CTNND2: variants seen among roughly 807,000 people sequenced by gnomAD.
The protein encoded by CTNND2 is catenin delta 2, also known as catenin delta-2.
CTNND2 carries 22 observed loss-of-function variants against 144.4 expected under a neutral mutation model. The ratio of observed to expected loss-of-function variants is 0.15; its 90% CI spans 0.11 to 0.22. The LOEUF (loss-of-function observed/expected upper bound fraction) is 0.22, where lower values mean the gene tolerates loss of function less well. Ranked by LOEUF, CTNND2 falls within the 10% of genes least tolerant of loss-of-function variation. The pLI is 1.00. For missense variants in CTNND2, 1,353 were observed against 1,618.8 expected (o/e 0.84, Z 2.82); for synonymous variants, 751 against 695.6 (o/e 1.08, Z -1.25).
intron 3 of CTNND2, among the ~76,000 whole-genome samples, chr5:11,544,320 T>C (rs557179615): frequency 1.3e-5 from 2 of 152,154 alleles, no homozygotes; most frequent in Non-Finnish European, 2.9e-5. Context: ...AGTGGCATAT[T>C]AGAAACAGCT....
intron 4 of CTNND2, 136 bp downstream of exon 4, chr5:11,411,899 A>G (rs1216686541): frequency 2.8e-5 from 22 of 774,796 alleles, no homozygotes; most frequent in Non-Finnish European, 3.7e-5. Context: ...GTGAACTATC[A>G]TAACAACTTC....
rs999247301 is a variant in CTNND2 at position 11,876,750 on chromosome 5, C to T, written c.37+27067G>A. On this transcript the variant is annotated intron_variant, in intron 1 of 21. Coordinates refer to ENST00000304623, the MANE Select transcript of CTNND2 (RefSeq NM_001332.4). ...GCATTGTTTAAGTTTATACATTAGG[C>T]GCTTTAATTGGCATTGAGTTATAAA... 4.6e-5 allele frequency among the ~76,000 whole-genome samples: 7 copies of T among 152,046 alleles called. No individual in the cohort carries two copies. The South Asian group carries it at 1.4e-3, about 31-fold the overall frequency.
chr5:11,330,037 C>T lies in CTNND2; in HGVS notation c.1628+16335G>A, dbSNP rs369596001. Reference sequence around the variant, plus strand: ...TGTAGCATGTTACATACAGGAACTTCAGCAGACAGTATGGGCCTGAATGAT... The same window carrying T: ...TGTAGCATGTTACATACAGGAACTTTAGCAGACAGTATGGGCCTGAATGAT... On this transcript the variant is annotated intron_variant, in intron 9 of 21. Transcript: ENST00000304623. Among the ~76,000 whole-genome samples the T allele has an allele frequency of 2.6e-5, 4 of 152,254 alleles. No individual in the cohort carries two copies. The East Asian group carries it at 7.7e-4, about 29-fold the overall frequency.
At position 11,262,687 on chromosome 5, in the gene CTNND2, A is replaced by C. The variant is rs564061406; in HGVS notation, c.1629-25864T>G. Among the ~76,000 whole-genome samples, 1,135 of 139,668 alleles carry C rather than the reference A, an allele frequency of 8.1e-3. 13 individuals are homozygous for C. The highest frequency in any genetic ancestry group is 0.013 in the Non-Finnish European group (830 of 65,472). The allele number at this position is 139,668 out of a possible 152,430, so 91.6% of individuals were successfully genotyped here. A position where few individuals can be genotyped will look rare whatever the true frequency, so the allele number is the denominator to read the frequency against. ...TGAAGCAGGAGAATGGCGTGAACCCAGGAGGCAGAGGTTGCAGTGAGTCGA... is the reference window on the plus strand; with the variant it reads ...TGAAGCAGGAGAATGGCGTGAACCCCGGAGGCAGAGGTTGCAGTGAGTCGA... On this transcript the variant is annotated intron_variant, in intron 9 of 21. Transcript: ENST00000304623.
At chr5:11,046,720 G>A (rs1745299528) in intron 16 of CTNND2, among the ~76,000 whole-genome samples, 1 of 152,090 alleles carries the variant, frequency 6.6e-6, no homozygotes, top group Non-Finnish European at 1.5e-5. Context: ...GACCAAATAA[G>A]CAAAAGCAAA....
At chr5:11,880,187 A>G (rs1162332266) in intron 1 of CTNND2, among the ~76,000 whole-genome samples, 2 of 152,160 alleles carry the variant, frequency 1.3e-5, no homozygotes, top group Admixed American at 1.3e-4. Flanking sequence ...TCATGAAGAC[A>G]TTATGCTCAT....
chr5:11,561,358 T>A (rs1262967901), intron 3 of CTNND2, among the ~76,000 whole-genome samples: 3 of 152,110 alleles, frequency 2.0e-5, no homozygotes, highest in Non-Finnish European at 4.4e-5. Flanking sequence ...AGGTTCTGGG[T>A]GAGGAAAGCC....
At chr5:11,791,771 A>C (rs1406926855) in intron 1 of CTNND2, among the ~76,000 whole-genome samples, 1 of 152,180 alleles carries the variant, frequency 6.6e-6, no homozygotes, top group Non-Finnish European at 1.5e-5. Context: ...CATTACTGCT[A>C]AACTTTGGGA....
chr5:11,123,471 C>T (rs1328052917), intron 12 of CTNND2, among the ~76,000 whole-genome samples: 1 of 152,192 alleles, frequency 6.6e-6, no homozygotes, highest in Non-Finnish European at 1.5e-5. Flanking sequence ...TGCTAACCAT[C>T]CCACAATGCT....
intron 9 of CTNND2, among the ~76,000 whole-genome samples, chr5:11,336,052 T>C (rs1230666073): frequency 1.3e-5 from 2 of 152,108 alleles, no homozygotes; most frequent in Non-Finnish European, 2.9e-5. Context: ...TTCATTTGCA[T>C]TGGGTGTACA....
chr5:11,818,107 G>A (rs531511808), intron 1 of CTNND2, among the ~76,000 whole-genome samples: 3 of 145,206 alleles, frequency 2.1e-5, no homozygotes, highest in East Asian at 2.2e-4. Context: ...TTACTAATAC[G>A]ACAGTGCGGA....
chr5:11,809,259 C>T (rs1792183136), intron 1 of CTNND2, among the ~76,000 whole-genome samples: 1 of 152,078 alleles, frequency 6.6e-6, no homozygotes, highest in Admixed American at 6.6e-5. Context: ...GTATCACTTT[C>T]AAAGTGATGT....
intron 1 of CTNND2, among the ~76,000 whole-genome samples, chr5:11,753,745 G>T (rs1788752694): frequency 6.6e-6 from 1 of 151,750 alleles, no homozygotes; most frequent in Non-Finnish European, 1.5e-5. Flanking sequence ...CAGTAGGATT[G>T]GTACCAGCTC....
chr5:11,712,152 G>A (rs1425975986), intron 2 of CTNND2, among the ~76,000 whole-genome samples: 1 of 152,142 alleles, frequency 6.6e-6, no homozygotes, highest in Middle Eastern at 3.4e-3. Flanking sequence ...AGAAGCAGTC[G>A]GTAAACTGTA....
At chr5:11,131,033 A>T (rs1048450148) in intron 12 of CTNND2, among the ~76,000 whole-genome samples, 2 of 152,208 alleles carry the variant, frequency 1.3e-5, no homozygotes, top group African/African-American at 2.4e-5. Context: ...GGCCAGTTAC[A>T]AAGTTACAAA....
intron 7 of CTNND2, among the ~76,000 whole-genome samples, chr5:11,376,746 C>T (rs1422479189): frequency 6.6e-6 from 1 of 152,138 alleles, no homozygotes; most frequent in East Asian, 1.9e-4. Context: ...TACAGGGTCG[C>T]CATTTTGGTA....
intron 5 of CTNND2, among the ~76,000 whole-genome samples, chr5:11,404,602 C>CTTTTTTTTTTTTTTTTTTTTTTTT (rs555388304): frequency 7.0e-5 from 4 of 57,368 alleles, no homozygotes; most frequent in Admixed American, 3.2e-4. Flanking sequence ...TATCTGTATT[C>CTTTTTTTTTTTTTTTTTTTTTTTT]TTTTTTTTTT....
At chr5:10,990,996 G>A (rs531009482) in intron 19 of CTNND2, among the ~76,000 whole-genome samples, 18 of 152,108 alleles carry the variant, frequency 1.2e-4, no homozygotes, top group Non-Finnish European at 2.2e-4. Flanking sequence ...CACTCCATGC[G>A]CTTTATCTTT....
chr5:11,850,589 TA>T (rs1794966460), intron 1 of CTNND2, among the ~76,000 whole-genome samples: 1 of 152,174 alleles, frequency 6.6e-6, no homozygotes, highest in African/African-American at 2.4e-5. Flanking sequence ...AAATATTTCT[TA>T]AAAAATAATG....
Sources: allele counts gnomAD v4.1 joint callset (sites outside exome capture counted in the v4.1 genomes callset), GRCh38; gene constraint gnomAD v4.1.1; transcripts MANE v1.5; gene names NCBI Gene and HGNC (gene_info 2026-07-23, HGNC 2026-07-21).